The following APOL1 variants were observed in gnomAD, a reference collection of about 807,000 sequenced individuals.
APOL1 encodes apolipoprotein L1.
A neutral mutation model predicts 14.9 loss-of-function variants in APOL1; 17 were observed. The ratio of observed to expected loss-of-function variants is 1.14; its 90% CI spans 0.78 to 1.71. The LOEUF is 1.71. Among genes scored for constraint, APOL1 ranks in the 40% most tolerant of loss-of-function variants. APOL1 has a pLI of 0.00. For missense variants in APOL1, 523 were observed against 485.9 expected (o/e 1.08, Z -0.72); for synonymous variants, 195 against 184.8 (o/e 1.05, Z -0.45).
Position 36,257,328 on chromosome 22 carries a change from A to G in APOL1, c.108A>G (p.Gln36=). The G allele has an allele frequency of 6.2e-7, 1 of 1,614,172 alleles. No homozygotes were observed. Among genetic ancestry groups the G allele is most frequent in the Non-Finnish European group, 8.5e-7 (1 of 1,179,988 alleles). ...TTTTCTCCTCCTCAAGGGTGCAACAAAACGTTCCAAGTGGGACAGATACTG... is the reference window on the plus strand; with the variant it reads ...TTTTCTCCTCCTCAAGGGTGCAACAGAACGTTCCAAGTGGGACAGATACTG... The part of the protein sequence containing the change: ...RAEEAGARVQ[Q]NVPSGTDTGD... The change falls in exon 4 of 6, where the codon CAA becomes CAG. Residue 36 remains glutamine (Q), a synonymous_variant. Transcript: ENST00000397278.
chr22:36,257,027 T>C (rs976565974), intron 2 of APOL1, 56 bp from the exon 3 acceptor site: 6 of 1,588,182 alleles, frequency 3.8e-6, no homozygotes, highest in Non-Finnish European at 5.2e-6. Flanking sequence ...CTGTAGTTTC[T>C]GTAATGATCA....
At chr22:36,256,953 C>A in intron 2 of APOL1, 130 bp from the exon 3 acceptor site, 1 of 922,630 alleles carries the variant, frequency 1.1e-6, no homozygotes, top group Non-Finnish European at 1.7e-6. Context: ...AGTTATCACA[C>A]ATGCTCCCAG....
rs370171331 is a variant in APOL1, at chr22:36,257,049, G to C, written c.45-34G>C. The C allele has an allele frequency of 4.3e-6, 7 of 1,612,192 alleles. No homozygotes were observed. In the South Asian group the frequency reaches 5.5e-5, roughly 13 times the overall value. Reference sequence around the variant, plus strand: ...TTCTGTAATGATCAGATGGCTGCCCGTCCTCTGATTATCTTCTCCTCATAC... The same window carrying C: ...TTCTGTAATGATCAGATGGCTGCCCCTCCTCTGATTATCTTCTCCTCATAC... On this transcript the variant is annotated intron_variant, in intron 2 of 5. Transcript: ENST00000397278.
Position 36,265,346 on chromosome 22 carries a change from AG to A in APOL1, c.512del (p.Gly171AlafsTer19). 6.2e-7 allele frequency: 1 copy of A among 1,611,736 alleles called. No individual in the cohort carries two copies. Among genetic ancestry groups the A allele is most frequent in the South Asian group, 1.1e-5 (1 of 90,832 alleles). On this transcript the variant is annotated frameshift_variant, in exon 6 of 6. Coordinates refer to ENST00000397278, the MANE Select transcript of APOL1 (RefSeq NM_003661.4). LOFTEE classifies it low-confidence loss of function (END_TRUNC). ...LADGVQKVHK[G>X]TTIANVVSGS... ...CAGATGGGGTTCAGAAGGTCCACAA[AG>A]GCACCACCATCGCCAATGTGGTGTC...
intron 2 of APOL1, 132 bp from the exon 3 acceptor site, chr22:36,256,951 C>A: frequency 1.1e-6 from 1 of 905,092 alleles, no homozygotes. Flanking sequence ...CTAGTTATCA[C>A]ACATGCTCCC....
At chr22:36,262,130 G>T (rs1262006299) in intron 5 of APOL1, among the ~76,000 whole-genome samples, 1 of 152,206 alleles carries the variant, frequency 6.6e-6, no homozygotes, top group Non-Finnish European at 1.5e-5. Flanking sequence ...ACAGAACCAG[G>T]GTTAAGGATC....
In APOL1 at chr22:36,266,729, C is replaced by A. The variant is rs954345683; in HGVS notation, c.*696C>A. On this transcript the variant is annotated 3_prime_UTR_variant, in exon 6 of 6. Transcript: ENST00000397278. The stretch of plus-strand genomic sequence containing the variant: ...GACCATCCTGGCTAACACAGTGAAA[C>A]CCCGTCTCTACTAAAAATACAAAAA... 1.2e-5 allele frequency: 4 copies of A among 339,090 alleles called. No homozygotes were observed. In the East Asian group the frequency reaches 1.7e-4, roughly 14 times the overall value. The allele number at this position is 339,090 out of a possible 1,614,324, so 21.0% of individuals were successfully genotyped here. A position where few individuals can be genotyped will look rare whatever the true frequency, so the allele number is the denominator to read the frequency against.
Position 36,266,188 on chromosome 22 carries a change from T to C in APOL1, c.*155T>C. The C allele has an allele frequency of 1.2e-6, 1 of 817,258 alleles. No homozygotes were observed. Among genetic ancestry groups the C allele is most frequent in the Non-Finnish European group, 1.8e-6 (1 of 541,604 alleles). 50.6% of individuals were successfully genotyped at this position (817,258 alleles called of 1,614,324 possible). On this transcript the variant is annotated 3_prime_UTR_variant, in exon 6 of 6. Transcript: ENST00000397278. ...TCACTGCAAGCTCTGCCTCCCGTGTTCAAGCGATTCTCCTGCCTTGGCCTC... is the reference window on the plus strand; with the variant it reads ...TCACTGCAAGCTCTGCCTCCCGTGTCCAAGCGATTCTCCTGCCTTGGCCTC...
chr22:36,258,987 A>C (rs2015990734), intron 4 of APOL1, among the ~76,000 whole-genome samples: 1 of 152,142 alleles, frequency 6.6e-6, no homozygotes, highest in Non-Finnish European at 1.5e-5. Context: ...CTGTCCCTAC[A>C]GGTGGTTTCA....
At chr22:36,265,115 C>T (rs2016193190) in intron 5 of APOL1, 36 bp from the exon 6 acceptor site, 1 of 1,609,772 alleles carries the variant, frequency 6.2e-7, no homozygotes, top group Non-Finnish European at 8.5e-7. Flanking sequence ...CGAGCCAAAA[C>T]TGCATTTCTT....
chr22:36,255,055 C>A, intron 2 of APOL1, 56 bp downstream of exon 2: 1 of 1,571,528 alleles, frequency 6.4e-7, no homozygotes, highest in Admixed American at 1.7e-5. Context: ...CTGGGCTGCA[C>A]AATTGGACTG....
At chr22:36,259,363 A>G (rs894082594) in intron 4 of APOL1, among the ~76,000 whole-genome samples, 2 of 152,200 alleles carry the variant, frequency 1.3e-5, no homozygotes, top group African/African-American at 4.8e-5. Flanking sequence ...TGAAGAAGGA[A>G]AAAGAAAAAA....
At chr22:36,257,820 C>A (rs2015940611) in intron 4 of APOL1, among the ~76,000 whole-genome samples, 1 of 152,186 alleles carries the variant, frequency 6.6e-6, no homozygotes, top group Admixed American at 6.5e-5. Context: ...GGGGTGTTTC[C>A]ACCTGAGGCT....
chr22:36,253,525 G>C (rs1353369082), intron 1 of APOL1, among the ~76,000 whole-genome samples: 4 of 152,194 alleles, frequency 2.6e-5, no homozygotes, highest in African/African-American at 9.7e-5. Flanking sequence ...TGGGAAATTT[G>C]AAGGAACCAA....
chr22:36,262,451 C>T (rs1200545338), intron 5 of APOL1, among the ~76,000 whole-genome samples: 3 of 152,146 alleles, frequency 2.0e-5, no homozygotes, highest in Admixed American at 2.0e-4. Context: ...GTGGTGAAGG[C>T]CTTAGAGGCA....
rs569160235 is a variant in APOL1, at chr22:36,257,701, G to T, written c.187+294G>T. The stretch of plus-strand genomic sequence containing the variant: ...CCTTGGGGAAGTGGAATCAGCGGGG[G>T]GGGGGGGGAGTGTGGGGAGAGCAGG... On this transcript the variant is annotated intron_variant, in intron 4 of 5. Coordinates refer to ENST00000397278, the MANE Select transcript of APOL1 (RefSeq NM_003661.4). The T allele has an allele frequency of 7.8e-5, 24 of 308,548 alleles. 1 individual carries two copies. The highest frequency in any genetic ancestry group is 1.1e-4 in the Non-Finnish European group (18 of 159,172). The allele number at this position is 308,548 out of a possible 1,614,324, so 19.1% of individuals were successfully genotyped here.
chr22:36,257,320 G>A lies in APOL1; in HGVS notation c.100G>A (p.Val34Met), dbSNP rs757839437. 1 of 1,614,098 alleles carries A rather than the reference G, an allele frequency of 6.2e-7. No homozygotes were observed. Among genetic ancestry groups the A allele is most frequent in the South Asian group, 1.1e-5 (1 of 91,082 alleles). The change falls in exon 4 of 6, where the codon GTG becomes ATG. Residue 34 changes from valine (V) to methionine (M), a missense_variant and splice_region_variant. By Grantham distance (21) the Val-to-Met change is conservative. Transcript: ENST00000397278. ...ACAATTTGTTTTCTCCTCCTCAAGGGTGCAACAAAACGTTCCAAGTGGGAC... is the reference window on the plus strand; with the variant it reads ...ACAATTTGTTTTCTCCTCCTCAAGGATGCAACAAAACGTTCCAAGTGGGAC... ...GVRAEEAGAR[V>M]QQNVPSGTDT...
chr22:36,260,222 G>A (rs1188039099), intron 4 of APOL1, among the ~76,000 whole-genome samples: 1 of 152,160 alleles, frequency 6.6e-6, no homozygotes, highest in Non-Finnish European at 1.5e-5. Flanking sequence ...ATGAAACCCT[G>A]TCTCTACTAA....
At position 36,265,559 on chromosome 22, in the gene APOL1, C is replaced by T. The variant is rs778796242; in HGVS notation, c.723C>T (p.His241=). ...GKKWWTQAQA[H]DLVIKSLDKL... is the part of the protein sequence containing the mutation. The stretch of plus-strand genomic sequence containing the variant: ...AGTGGTGGACACAAGCCCAAGCCCA[C>T]GACCTGGTCATCAAAAGCCTTGACA... Residue 241 remains histidine (H), a synonymous_variant, in exon 6 of 6, where the codon CAC becomes CAT. Coordinates refer to ENST00000397278, the MANE Select transcript of APOL1 (RefSeq NM_003661.4). 1.5e-5 allele frequency: 24 copies of T among 1,602,404 alleles called. No individual in the cohort carries two copies. The highest frequency in any genetic ancestry group is 6.7e-5 in the East Asian group (3 of 44,792).
Sources: allele counts gnomAD v4.1 joint callset (sites outside exome capture counted in the v4.1 genomes callset), GRCh38; gene constraint gnomAD v4.1.1; transcripts MANE v1.5; gene names NCBI Gene and HGNC (gene_info 2026-07-23, HGNC 2026-07-21).